HCN1: variants seen among roughly 807,000 people sequenced by gnomAD.
The protein encoded by HCN1 is hyperpolarization activated cyclic nucleotide gated potassium channel 1.
In HCN1, 13 loss-of-function variants were observed where a neutral mutation model predicts 78.9. The ratio of observed to expected loss-of-function variants is 0.16; its 90% CI spans 0.11 to 0.26. The LOEUF (loss-of-function observed/expected upper bound fraction) is 0.26, where lower values mean the gene tolerates loss of function less well. Among genes scored for constraint, HCN1 ranks in the 10% least tolerant of loss-of-function variants. The pLI is 1.00. For synonymous variants in HCN1, 552 were observed against 455.5 expected, an observed-to-expected ratio of 1.21 and a Z score of -2.70; for missense variants, 810 against 1,154.3, an observed-to-expected ratio of 0.70 and a Z score of 4.32.
chr5:45,420,252 C>T (rs1387230599), intron 3 of HCN1, among the ~76,000 whole-genome samples: 1 of 152,184 alleles, frequency 6.6e-6, no homozygotes, highest in African/African-American at 2.4e-5. Flanking sequence ...CTGTGGCACA[C>T]TACTGATTGC....
At chr5:45,386,614 G>C (rs1747914105) in intron 4 of HCN1, among the ~76,000 whole-genome samples, 1 of 152,120 alleles carries the variant, frequency 6.6e-6, no homozygotes. Context: ...AGCAATCTGA[G>C]CTCCAAATAT....
chr5:45,477,910 A>T (rs1741553447), intron 2 of HCN1, among the ~76,000 whole-genome samples: 1 of 152,174 alleles, frequency 6.6e-6, no homozygotes, highest in African/African-American at 2.4e-5. Context: ...CTTGGAATAT[A>T]TTATTCTGTT....
At chr5:45,424,072 G>A (rs966371450) in intron 3 of HCN1, among the ~76,000 whole-genome samples, 17 of 140,576 alleles carry the variant, frequency 1.2e-4, no homozygotes, top group Admixed American at 1.1e-3. Flanking sequence ...TCAGGAAATC[G>A]AGACCATCCT....
At chr5:45,659,503 T>C (rs1366858029) in intron 1 of HCN1, among the ~76,000 whole-genome samples, 2 of 119,360 alleles carry the variant, frequency 1.7e-5, no homozygotes, top group East Asian at 5.0e-4. Context: ...ATCAAATTAC[T>C]CTGAGCTACG....
chr5:45,608,394 T>TGTGTGTGTGTGG (rs1277517715), intron 2 of HCN1, among the ~76,000 whole-genome samples: 3 of 149,926 alleles, frequency 2.0e-5, no homozygotes, highest in Non-Finnish European at 1.5e-5. Flanking sequence ...TGTGTGTGTA[T>TGTGTGTGTGTGG]GTGTGATGTC....
chr5:45,401,884 A>T (rs890151930), intron 3 of HCN1, among the ~76,000 whole-genome samples: 3 of 151,932 alleles, frequency 2.0e-5, no homozygotes, highest in African/African-American at 7.2e-5. Context: ...TAATTAAACA[A>T]GGTTTAATTA....
intron 4 of HCN1, among the ~76,000 whole-genome samples, chr5:45,357,019 C>A (rs563252503): frequency 2.6e-5 from 4 of 152,006 alleles, no homozygotes; most frequent in South Asian, 2.1e-4. Context: ...GGGTAATTAG[C>A]CTTCATTTAG....
At chr5:45,460,190 G>C (rs1017670062) in intron 3 of HCN1, among the ~76,000 whole-genome samples, 2 of 152,054 alleles carry the variant, frequency 1.3e-5, no homozygotes, top group African/African-American at 4.8e-5. Flanking sequence ...TTGGGAGGTG[G>C]GGTCTAATAA....
chr5:45,276,748 T>C (rs1037202374), intron 6 of HCN1, among the ~76,000 whole-genome samples: 2 of 152,112 alleles, frequency 1.3e-5, no homozygotes, highest in African/African-American at 4.8e-5. Context: ...CTAGAGACTT[T>C]ATGTAAATTC....
At chr5:45,299,215 A>C (rs1327775391) in intron 6 of HCN1, among the ~76,000 whole-genome samples, 1 of 152,026 alleles carries the variant, frequency 6.6e-6, no homozygotes, top group Non-Finnish European at 1.5e-5. Context: ...ATCTCAATGA[A>C]AAATGCACTT....
chr5:45,309,955 T>G (rs1186425858), intron 5 of HCN1, among the ~76,000 whole-genome samples: 1 of 152,184 alleles, frequency 6.6e-6, no homozygotes, highest in East Asian at 1.9e-4. Flanking sequence ...GGCTCTTCTT[T>G]GTATATCTGG....
chr5:45,572,846 A>G (rs1743862374), intron 2 of HCN1, among the ~76,000 whole-genome samples: 1 of 152,172 alleles, frequency 6.6e-6, no homozygotes, highest in South Asian at 2.1e-4. Flanking sequence ...AAAAAGAGAT[A>G]AAAAATAAGT....
intron 2 of HCN1, among the ~76,000 whole-genome samples, chr5:45,513,722 T>A (rs1742464189): frequency 6.6e-6 from 1 of 152,104 alleles, no homozygotes; most frequent in Non-Finnish European, 1.5e-5. Flanking sequence ...GGTGGAACAG[T>A]TTCATCCTGA....
At chr5:45,391,586 C>A (rs1048435966) in intron 4 of HCN1, among the ~76,000 whole-genome samples, 4 of 152,094 alleles carry the variant, frequency 2.6e-5, no homozygotes, top group African/African-American at 9.7e-5. Flanking sequence ...ACAATAATGA[C>A]AAACTCTCCC....
chr5:45,376,587 T>A (rs1266958328), intron 4 of HCN1, among the ~76,000 whole-genome samples: 2 of 151,730 alleles, frequency 1.3e-5, no homozygotes, highest in African/African-American at 4.8e-5. Context: ...ACAAGCATGA[T>A]AACATTTGGC....
chr5:45,385,912 G>T (rs1747898316), intron 4 of HCN1, among the ~76,000 whole-genome samples: 1 of 152,216 alleles, frequency 6.6e-6, no homozygotes, highest in East Asian at 1.9e-4. Context: ...GGATTCTCCA[G>T]GACCAGCTTA....
At chr5:45,590,530 A>C (rs1744338546) in intron 2 of HCN1, among the ~76,000 whole-genome samples, 1 of 152,210 alleles carries the variant, frequency 6.6e-6, no homozygotes, top group Admixed American at 6.5e-5. Flanking sequence ...GGTTTACATT[A>C]GGGGTCACTC....
At chr5:45,368,171 C>T (rs558695791) in intron 4 of HCN1, among the ~76,000 whole-genome samples, 45 of 151,976 alleles carry the variant, frequency 3.0e-4, no homozygotes, top group Admixed American at 5.3e-4. Context: ...AATTAATACA[C>T]GTTTTGTGTT....
At chr5:45,347,240 G>A (rs1437376131) in intron 5 of HCN1, among the ~76,000 whole-genome samples, 2 of 152,186 alleles carry the variant, frequency 1.3e-5, no homozygotes, top group Non-Finnish European at 2.9e-5. Context: ...CACCGCTGCT[G>A]ATACCCAGGC....
Sources: gnomAD v4.1 joint callset for allele counts (sites outside exome capture counted in the v4.1 genomes callset) on GRCh38, gnomAD v4.1.1 for gene constraint, MANE v1.5 for transcripts, NCBI Gene and HGNC (gene_info 2026-07-23, HGNC 2026-07-21) for gene names.